SPACA7: variants seen among roughly 807,000 people sequenced by gnomAD.
SPACA7 encodes the protein sperm acrosome-associated protein 7.
In SPACA7, 19 loss-of-function variants were observed where a neutral mutation model predicts 26.3. That is an observed-to-expected ratio of 0.72 (90% CI 0.50 to 1.06). The LOEUF is 1.06. Among genes scored for constraint, SPACA7 ranks in the 50% least tolerant of loss-of-function variants. SPACA7 has a pLI of 0.00. For synonymous variants in SPACA7, 84 were observed against 84.5 expected, an observed-to-expected ratio of 0.99 and a Z score of 0.04; for missense variants, 211 against 229.9, an observed-to-expected ratio of 0.92 and a Z score of 0.53.
At position 112,399,173 on chromosome 13, in the gene SPACA7, G is replaced by A. The variant is rs146598083; in HGVS notation, c.349G>A (p.Glu117Lys). 134 of 1,508,078 alleles carry A rather than the reference G, an allele frequency of 8.9e-5. No individual in the cohort carries two copies. The highest frequency in any genetic ancestry group is 1.2e-4 in the Non-Finnish European group (126 of 1,083,858). 93.4% of individuals were successfully genotyped at this position (1,508,078 alleles called of 1,614,324 possible). Residue 117 changes from glutamate (E) to lysine (K), a missense_variant and splice_region_variant, in exon 4 of 7, where the codon GAA (glutamate) becomes AAA (lysine). Coordinates refer to ENST00000283550, the MANE Select transcript of SPACA7 (RefSeq NM_145248.5). ...PGIEVKISNDEANANANLHGD... is the reference protein window; with the variant it reads ...PGIEVKISNDKANANANLHGD... ...CATTGAGGTCAAAATTTCCAATGATGGTAAATGCAACCCAGTAATTACCCC... is the reference window on the plus strand; with the variant it reads ...CATTGAGGTCAAAATTTCCAATGATAGTAAATGCAACCCAGTAATTACCCC...
chr13:112,403,055 G>T lies in SPACA7; in HGVS notation c.445+1891G>T, dbSNP rs182097212. On this transcript the variant is annotated intron_variant, in intron 5 of 6. Coordinates refer to ENST00000283550, the MANE Select transcript of SPACA7 (RefSeq NM_145248.5). ...TTTCTTTCCTTTTTGGTTCTTTAGA[G>T]CATCAGAAGCATTTTGTCTTTTAAA... 1.5e-4 allele frequency among the ~76,000 whole-genome samples: 23 copies of T among 151,996 alleles called. No individual in the cohort carries two copies. In the East Asian group the frequency reaches 4.1e-3, roughly 27 times the overall value.
At chr13:112,383,174 AAAGAAAGAAAGAAAGAAAGAAAAG>A (rs1483176627) in intron 1 of SPACA7, among the ~76,000 whole-genome samples, 28 of 125,274 alleles carry the variant, frequency 2.2e-4, no homozygotes, top group African/African-American at 8.7e-4. Flanking sequence ...AGAAAGAAAG[AAAGAAAGAAAGAAAGAAAGAAAAG>A]AAAGAAAGAA....
At chr13:112,416,275 T>A (rs1416199773) in intron 5 of SPACA7, among the ~76,000 whole-genome samples, 1 of 82,948 alleles carries the variant, frequency 1.2e-5, no homozygotes, top group African/African-American at 6.4e-5. Flanking sequence ...GATTGTCAGT[T>A]GTTGTTGTTG....
At chr13:112,426,449 T>G (rs1213817844) in intron 5 of SPACA7, among the ~76,000 whole-genome samples, 1 of 152,260 alleles carries the variant, frequency 6.6e-6, no homozygotes, top group Non-Finnish European at 1.5e-5. Flanking sequence ...CAAAAAATTC[T>G]GCTAGGATTT....
rs568559553 is a variant in SPACA7 at position 112,380,694 on chromosome 13, A to G, written c.94+4215A>G. ...AAATTTTAAACCACTGTAGGACAAA[A>G]TTACTCACTTTTTTCGTCAACAAAA... On this transcript the variant is annotated intron_variant, in intron 1 of 6. Coordinates refer to ENST00000283550, the MANE Select transcript of SPACA7 (RefSeq NM_145248.5). Among the ~76,000 whole-genome samples, 11 of 152,330 alleles carry G rather than the reference A, an allele frequency of 7.2e-5. No individual in the cohort carries two copies. The South Asian group carries it at 1.9e-3, about 26-fold the overall frequency.
chr13:112,421,018 C>A (rs984019386), intron 5 of SPACA7, among the ~76,000 whole-genome samples: 2 of 151,928 alleles, frequency 1.3e-5, no homozygotes, highest in African/African-American at 4.8e-5. Context: ...AGGATTATTT[C>A]AGACAAAGAT....
At chr13:112,383,178 AAAGAAAGAAAGAAAGAAAAG>A (rs1176712746) in intron 1 of SPACA7, among the ~76,000 whole-genome samples, 54 of 125,774 alleles carry the variant, frequency 4.3e-4, no homozygotes, top group Admixed American at 3.2e-3. Flanking sequence ...AGAAAGAAAG[AAAGAAAGAAAGAAAGAAAAG>A]AAAGAAAGAA....
chr13:112,411,951 CAT>C (rs1417501852), intron 5 of SPACA7, among the ~76,000 whole-genome samples: 3 of 152,072 alleles, frequency 2.0e-5, no homozygotes, highest in Admixed American at 6.6e-5. Flanking sequence ...TTCTTTTAGA[CAT>C]ATACCCATCA....
Position 112,401,107 on chromosome 13 carries a change from G to A in SPACA7, c.388G>A (p.Glu130Lys). The A allele has an allele frequency of 6.2e-7, 1 of 1,614,150 alleles. No individual in the cohort carries two copies. Among genetic ancestry groups the A allele is most frequent in the East Asian group, 2.2e-5 (1 of 44,880 alleles). Residue 130 changes from glutamate to lysine, a missense_variant, in exon 5 of 7, where the codon GAG becomes AAG. Glu to Lys is a moderately conservative substitution (Grantham distance 56). Transcript: ENST00000283550. ...ANANLHGDPS[E>K]NYRGPQVSPG... ...TGCAAATCTCCATGGCGATCCTTCT[G>A]AGAATTATCGTGGGCCACAGGTGTC...
At chr13:112,431,828 C>G (rs1877161344) in intron 5 of SPACA7, among the ~76,000 whole-genome samples, 1 of 152,192 alleles carries the variant, frequency 6.6e-6, no homozygotes, top group African/African-American at 2.4e-5. Context: ...GCCTCCCAGG[C>G]TGGTGGCTGT....
chr13:112,377,696 A>T (rs527495830), intron 1 of SPACA7, among the ~76,000 whole-genome samples: 1 of 152,364 alleles, frequency 6.6e-6, no homozygotes, highest in South Asian at 2.1e-4. Flanking sequence ...GAGAAGACTC[A>T]GAGGAGCCTG....
At chr13:112,429,283 G>A (rs998451519) in intron 5 of SPACA7, among the ~76,000 whole-genome samples, 1 of 152,018 alleles carries the variant, frequency 6.6e-6, no homozygotes, top group African/African-American at 2.4e-5. Context: ...GGCTGAGGCA[G>A]GAGGATGGCT....
rs1877529370 is a variant in SPACA7, at chr13:112,434,396, CT to C, written c.524-88del. 6 of 1,131,624 alleles carry C rather than the reference CT, an allele frequency of 5.3e-6. No homozygotes were observed. In the Admixed American group the frequency reaches 1.2e-4, roughly 23 times the overall value. The allele number at this position is 1,131,624 out of a possible 1,614,324, so 70.1% of individuals were successfully genotyped here. On this transcript the variant is annotated intron_variant, in intron 6 of 6. Coordinates refer to ENST00000283550, the MANE Select transcript of SPACA7 (RefSeq NM_145248.5). ...TCCACAACTGAGGGCTTGGTTCCTC[CT>C]GTCCCCTGGTGTCCCTCGATCCTGC...
At chr13:112,429,760 T>G (rs1283170314) in intron 5 of SPACA7, among the ~76,000 whole-genome samples, 1 of 152,240 alleles carries the variant, frequency 6.6e-6, no homozygotes, top group Non-Finnish European at 1.5e-5. Flanking sequence ...GTCATTTTTG[T>G]TTGAATGCCA....
chr13:112,409,485 C>T (rs1886205914), intron 5 of SPACA7, among the ~76,000 whole-genome samples: 2 of 152,034 alleles, frequency 1.3e-5, no homozygotes, highest in Admixed American at 1.3e-4. Flanking sequence ...GGGCTAATAT[C>T]CAGAATCTAC....
Position 112,399,181 on chromosome 13 carries a change from C to A in SPACA7, c.349+8C>A. On this transcript the variant is annotated splice_region_variant and intron_variant, in intron 4 of 6. Coordinates refer to ENST00000283550, the MANE Select transcript of SPACA7 (RefSeq NM_145248.5). ...TCAAAATTTCCAATGATGGTAAATGCAACCCAGTAATTACCCCTTCCCAAG... is the reference window on the plus strand; with the variant it reads ...TCAAAATTTCCAATGATGGTAAATGAAACCCAGTAATTACCCCTTCCCAAG... 1 of 1,443,102 alleles carries A rather than the reference C, an allele frequency of 6.9e-7. No individual in the cohort carries two copies. Among genetic ancestry groups the A allele is most frequent in the South Asian group, 1.1e-5 (1 of 87,350 alleles). 89.4% of individuals were successfully genotyped at this position (1,443,102 alleles called of 1,614,324 possible). A position where few individuals can be genotyped will look rare whatever the true frequency, so the allele number is the denominator to read the frequency against.
At chr13:112,385,750 A>C (rs868063634) in intron 1 of SPACA7, among the ~76,000 whole-genome samples, 5 of 152,360 alleles carry the variant, frequency 3.3e-5, no homozygotes, top group African/African-American at 1.2e-4. Context: ...GGTCACGTGA[A>C]CAAAAATGCA....
In SPACA7 at chr13:112,387,952, C is replaced by T. The variant is rs141900354; in HGVS notation, c.95-5069C>T. On this transcript the variant is annotated intron_variant, in intron 1 of 6. Transcript: ENST00000283550. The stretch of plus-strand genomic sequence containing the variant: ...TGGTCCCTGTTTTCTTTGATCCACT[C>T]CAGGTGGTGATGGACAACCTCTGAA... Among the ~76,000 whole-genome samples the T allele has an allele frequency of 2.4e-3, 373 of 152,304 alleles. 1 individual carries two copies. The highest frequency in any genetic ancestry group is 4.4e-3 in the Non-Finnish European group (296 of 68,042).
chr13:112,434,323 C>A (rs567608088), intron 6 of SPACA7, among the ~76,000 whole-genome samples, 162 bp from the exon 7 acceptor site: 2 of 152,306 alleles, frequency 1.3e-5, no homozygotes, highest in East Asian at 3.9e-4. Flanking sequence ...CCAGTGCCCC[C>A]CTCCCGGTCC....
Sources: gnomAD v4.1 joint callset for allele counts (sites outside exome capture counted in the v4.1 genomes callset) on GRCh38, gnomAD v4.1.1 for gene constraint, MANE v1.5 for transcripts, NCBI Gene and HGNC (gene_info 2026-07-23, HGNC 2026-07-21) for gene names.